Variants in SAMD4A observed in about 807,000 individuals in gnomAD.
SAMD4A encodes sterile alpha motif domain containing 4A, also known as protein Smaug homolog 1.
A neutral mutation model predicts 81.3 loss-of-function variants in SAMD4A; 33 were observed. The observed-to-expected ratio is 0.41, with a 90% CI of 0.31 to 0.54. The LOEUF (loss-of-function observed/expected upper bound fraction) is 0.54. Ranked by LOEUF, SAMD4A falls within the 20% of genes least tolerant of loss-of-function variation. The pLI is 0.37. For missense variants in SAMD4A, 854 were observed against 951.1 expected (o/e 0.90, Z 1.34); for synonymous variants, 389 against 382.1 (o/e 1.02, Z -0.21).
At chr14:54,743,625 G>C (rs1476000324) in intron 4 of SAMD4A, among the ~76,000 whole-genome samples, 2 of 152,192 alleles carry the variant, frequency 1.3e-5, no homozygotes, top group Admixed American at 1.3e-4. Flanking sequence ...AAACTGCGGG[G>C]AGAAGGTTAG....
intron 2 of SAMD4A, among the ~76,000 whole-genome samples, chr14:54,649,708 A>G (rs946583147): frequency 2.6e-5 from 4 of 152,192 alleles, no homozygotes; most frequent in African/African-American, 9.7e-5. Context: ...GTTGACTGAA[A>G]TTGTTTTTGC....
chr14:54,707,947 G>A (rs768267898), intron 3 of SAMD4A, among the ~76,000 whole-genome samples: 1 of 152,208 alleles, frequency 6.6e-6, no homozygotes, highest in Non-Finnish European at 1.5e-5. Flanking sequence ...GTAGGTCATT[G>A]CAAGGACTTG....
chr14:54,588,047 C>T (rs1174830938), intron 2 of SAMD4A, among the ~76,000 whole-genome samples: 1 of 152,024 alleles, frequency 6.6e-6, no homozygotes, highest in Non-Finnish European at 1.5e-5. Context: ...TTTAAAATTA[C>T]CATTTCAATC....
chr14:54,752,091 G>C (rs1015274337), intron 6 of SAMD4A, among the ~76,000 whole-genome samples: 3 of 152,178 alleles, frequency 2.0e-5, no homozygotes, highest in Non-Finnish European at 4.4e-5. Flanking sequence ...ACAACAGAAT[G>C]GGTCCCTGTG....
intron 2 of SAMD4A, among the ~76,000 whole-genome samples, chr14:54,611,104 T>G (rs1168600948): frequency 6.6e-6 from 1 of 152,110 alleles, no homozygotes; most frequent in Non-Finnish European, 1.5e-5. Flanking sequence ...CTTTAGTTTA[T>G]AAAAGGAAGC....
rs3742563 is a variant in SAMD4A at position 54,702,920 on chromosome 14, G to A, written c.715+340G>A. 1,792 of 262,766 alleles carry A rather than the reference G, an allele frequency of 6.8e-3. 30 individuals are homozygous for A. Among genetic ancestry groups the A allele is most frequent in the East Asian group, 0.065 (900 of 13,750 alleles). 16.3% of individuals were successfully genotyped at this position (262,766 alleles called of 1,614,324 possible). ...TTCACCCTGGGGTTTTGGATTTGCT[G>A]AGACACTGAGTTACTGTGTGATTCT... On this transcript the variant is annotated intron_variant, in intron 3 of 12. Coordinates refer to ENST00000554335, the MANE Select transcript of SAMD4A (RefSeq NM_015589.6).
At chr14:54,724,585 A>T (rs1253089273) in intron 3 of SAMD4A, among the ~76,000 whole-genome samples, 2 of 152,200 alleles carry the variant, frequency 1.3e-5, no homozygotes, top group Non-Finnish European at 1.5e-5. Flanking sequence ...TGGGCCTCAC[A>T]GGTGGGTCTT....
At chr14:54,610,537 T>C (rs1271689360) in intron 2 of SAMD4A, among the ~76,000 whole-genome samples, 1 of 152,234 alleles carries the variant, frequency 6.6e-6, no homozygotes, top group African/African-American at 2.4e-5. Flanking sequence ...TCTTTGGTTC[T>C]CTGCCTCTAC....
intron 6 of SAMD4A, 103 bp downstream of exon 6, chr14:54,751,640 C>A: frequency 1.3e-6 from 1 of 770,474 alleles, no homozygotes; most frequent in Non-Finnish European, 2.2e-6. Flanking sequence ...TAGAGCGTAC[C>A]ATGTGGTTTC....
rs370456793 is a variant in SAMD4A at position 54,760,375 on chromosome 14, C to T, written c.1391C>T (p.Ser464Leu). 218 of 1,544,342 alleles carry T rather than the reference C, an allele frequency of 1.4e-4. No homozygotes were observed. The East Asian group carries it at 1.5e-3, about 11-fold the overall frequency. The change falls in exon 7 of 13, where the codon TCG becomes TTG. Residue 464 changes from serine (S) to leucine (L), a missense_variant. Ser to Leu is a moderately radical substitution (Grantham distance 145). Transcript: ENST00000554335. The stretch of plus-strand genomic sequence containing the variant: ...GCCACTGGCGCCACGGCCACCCCCT[C>T]GGCCGGGGCCAGCGGGGGGCTCCAG... ...AAATGATATP[S>L]AGASGGLQPH...
At chr14:54,702,014 T>G in intron 2 of SAMD4A, 48 bp from the exon 3 acceptor site, 1 of 1,579,624 alleles carries the variant, frequency 6.3e-7, no homozygotes, top group South Asian at 1.2e-5. Context: ...CTGTTTAGAG[T>G]CACTGTGGGT....
chr14:54,777,560 G>A (rs1318864007), intron 11 of SAMD4A, among the ~76,000 whole-genome samples: 1 of 152,174 alleles, frequency 6.6e-6, no homozygotes, highest in African/African-American at 2.4e-5. Context: ...CCGATGGTGG[G>A]GGACTTTGAA....
At chr14:54,572,598 G>A (rs975642365) in intron 2 of SAMD4A, among the ~76,000 whole-genome samples, 3 of 152,300 alleles carry the variant, frequency 2.0e-5, no homozygotes, top group Admixed American at 2.0e-4. Context: ...AGAGAAAAAA[G>A]TATTCTCCAG....
intron 5 of SAMD4A, among the ~76,000 whole-genome samples, chr14:54,751,099 T>C (rs571382134): frequency 5.3e-5 from 8 of 152,042 alleles, no homozygotes; most frequent in Non-Finnish European, 8.8e-5. Flanking sequence ...CCATCTCTAC[T>C]AAAAATACAA....
At chr14:54,716,595 C>T (rs1407273182) in intron 3 of SAMD4A, among the ~76,000 whole-genome samples, 1 of 152,046 alleles carries the variant, frequency 6.6e-6, no homozygotes. Context: ...CTTAGTTGCT[C>T]GTTAGTCTTC....
chr14:54,675,367 CAAAA>C (rs59110762), intron 2 of SAMD4A, among the ~76,000 whole-genome samples: 25 of 75,376 alleles, frequency 3.3e-4, no homozygotes, highest in South Asian at 1.2e-3. Flanking sequence ...ACTCCGTCTC[CAAAA>C]AAAAAAAAAA....
intron 11 of SAMD4A, among the ~76,000 whole-genome samples, chr14:54,778,535 C>T (rs1297226907): frequency 6.6e-6 from 1 of 152,218 alleles, no homozygotes; most frequent in African/African-American, 2.4e-5. Flanking sequence ...AGGCACAACC[C>T]CTTTTAGCAG....
At chr14:54,729,476 C>T (rs532298110) in intron 3 of SAMD4A, among the ~76,000 whole-genome samples, 2 of 152,154 alleles carry the variant, frequency 1.3e-5, no homozygotes, top group Non-Finnish European at 2.9e-5. Flanking sequence ...AAAGAAATAT[C>T]GGCTTAAATT....
chr14:54,659,907 G>A (rs934390941), intron 2 of SAMD4A, among the ~76,000 whole-genome samples: 1 of 152,144 alleles, frequency 6.6e-6, no homozygotes, highest in African/African-American at 2.4e-5. Context: ...TGGGTGGCGA[G>A]GGAGAAGTCA....
Sources: allele counts gnomAD v4.1 joint callset (sites outside exome capture counted in the v4.1 genomes callset), GRCh38; gene constraint gnomAD v4.1.1; transcripts MANE v1.5; gene names NCBI Gene and HGNC (gene_info 2026-07-23, HGNC 2026-07-21).